Variants in DLG1 observed in about 807,000 individuals in gnomAD.
DLG1 encodes disks large homolog 1.
Under a neutral mutation model 123.4 loss-of-function variants are expected in DLG1, and 42 were observed. The ratio of observed to expected loss-of-function variants is 0.34; its 90% CI spans 0.27 to 0.44. The LOEUF (loss-of-function observed/expected upper bound fraction) is 0.44, where lower values mean the gene tolerates loss of function less well. Among genes scored for constraint, DLG1 ranks in the 20% least tolerant of loss-of-function variants. The probability of loss-of-function intolerance (pLI) is 1.00; values close to 1 mark genes in which losing one functional copy is unlikely to be tolerated. For synonymous variants in DLG1, 317 were observed against 356.2 expected, an observed-to-expected ratio of 0.89 and a Z score of 1.24; for missense variants, 942 against 1,082.6, an observed-to-expected ratio of 0.87 and a Z score of 1.82.
At chr3:197,061,775 A>G (rs114105067) in intron 22 of DLG1, among the ~76,000 whole-genome samples, 1,568 of 152,258 alleles carry the variant, frequency 0.01, 27 homozygotes, top group South Asian at 0.018. Flanking sequence ...AGGCGATATT[A>G]TATCTATTTG....
chr3:197,267,816 C>T (rs575492911), intron 4 of DLG1, among the ~76,000 whole-genome samples: 2 of 152,060 alleles, frequency 1.3e-5, no homozygotes, highest in East Asian at 3.9e-4. Context: ...TTTATTATTA[C>T]TTTGGGTCCT....
intron 19 of DLG1, among the ~76,000 whole-genome samples, chr3:197,068,013 A>AC (rs1740942847): frequency 6.6e-6 from 1 of 152,248 alleles, no homozygotes; most frequent in African/African-American, 2.4e-5. Context: ...AGATCCTATA[A>AC]CAATTTTACC....
chr3:197,192,518 TGTTTCTGC>T (rs2150240152), intron 5 of DLG1, among the ~76,000 whole-genome samples: 1 of 152,068 alleles, frequency 6.6e-6, no homozygotes, highest in South Asian at 2.1e-4. Context: ...ATAGAAGAAC[TGTTTCTGC>T]CACTAACTGG....
intron 4 of DLG1, among the ~76,000 whole-genome samples, chr3:197,216,459 T>C (rs900485123): frequency 1.3e-5 from 2 of 152,154 alleles, no homozygotes; most frequent in African/African-American, 4.8e-5. Flanking sequence ...TGGGGCAGTC[T>C]GGGGGAAACT....
chr3:197,268,297 T>C (rs892072635), intron 4 of DLG1, among the ~76,000 whole-genome samples: 1 of 152,248 alleles, frequency 6.6e-6, no homozygotes, highest in African/African-American at 2.4e-5. Flanking sequence ...CTAACCAATG[T>C]GACATACTTA....
At chr3:197,208,554 A>G (rs1469762629) in intron 4 of DLG1, among the ~76,000 whole-genome samples, 7 of 146,508 alleles carry the variant, frequency 4.8e-5, no homozygotes, top group Non-Finnish European at 7.7e-5. Context: ...TCTTATTCAA[A>G]TAAGAGAATA....
At chr3:197,223,490 G>A (rs1360233205) in intron 4 of DLG1, among the ~76,000 whole-genome samples, 2 of 152,144 alleles carry the variant, frequency 1.3e-5, no homozygotes, top group African/African-American at 4.8e-5. Flanking sequence ...CAACAAACAA[G>A]GTGGTGTTTT....
At chr3:197,065,887 A>T (rs1739184347) in intron 20 of DLG1, 78 bp from the exon 21 acceptor site, 1 of 951,168 alleles carries the variant, frequency 1.1e-6, no homozygotes, top group African/African-American at 1.7e-5. Flanking sequence ...AGCGAACAAA[A>T]ATATCCTTAA....
At chr3:197,263,920 T>A (rs1760609326) in intron 4 of DLG1, among the ~76,000 whole-genome samples, 1 of 152,150 alleles carries the variant, frequency 6.6e-6, no homozygotes, top group South Asian at 2.1e-4. Context: ...AAACTATAGG[T>A]GATTACAAAA....
intron 4 of DLG1, among the ~76,000 whole-genome samples, chr3:197,260,709 C>T (rs1758953450): frequency 7.7e-6 from 1 of 130,446 alleles, no homozygotes; most frequent in Admixed American, 9.0e-5. Flanking sequence ...AAATCTGCTT[C>T]TCCTCGTTAG....
At chr3:197,048,208 C>T (rs1316855945) in intron 24 of DLG1, among the ~76,000 whole-genome samples, 3 of 152,180 alleles carry the variant, frequency 2.0e-5, no homozygotes, top group African/African-American at 2.4e-5. Flanking sequence ...CAGTGGCTCA[C>T]GCCTGCCATC....
At chr3:197,135,742 G>A (rs1784757525) in intron 10 of DLG1, among the ~76,000 whole-genome samples, 1 of 152,060 alleles carries the variant, frequency 6.6e-6, no homozygotes, top group Non-Finnish European at 1.5e-5. Context: ...CTCATACAGT[G>A]CAATAGTGTT....
In DLG1 at chr3:197,245,906, G is replaced by C. The variant is rs796545706; in HGVS notation, c.318+36773C>G. 6.1e-4 allele frequency among the ~76,000 whole-genome samples: 87 copies of C among 141,606 alleles called. 3 individuals carry two copies. The highest frequency in any genetic ancestry group is 1.2e-3 in the Non-Finnish European group (80 of 64,580). 92.9% of individuals were successfully genotyped at this position (141,606 alleles called of 152,430 possible). ...GACAATACTTTTTTTTTTTTGGGGG[G>C]GGGGGAGGTGGCAAATGAAGGTTAT... On this transcript the variant is annotated intron_variant, in intron 4 of 24. Coordinates refer to ENST00000667157, the MANE Select transcript of DLG1 (RefSeq NM_001366207.1).
At chr3:197,082,540 T>C (rs1429707842) in intron 16 of DLG1, among the ~76,000 whole-genome samples, 1 of 152,184 alleles carries the variant, frequency 6.6e-6, no homozygotes, top group African/African-American at 2.4e-5. Flanking sequence ...TTTCTAATCA[T>C]TATTTTGTTT....
chr3:197,150,966 TCCCA>T (rs1011277681), intron 5 of DLG1, among the ~76,000 whole-genome samples: 1 of 152,052 alleles, frequency 6.6e-6, no homozygotes, highest in African/African-American at 2.4e-5. Flanking sequence ...TTATGTTTAG[TCCCA>T]CCATTAAATA....
At chr3:197,129,667 T>A (rs1026421810) in intron 11 of DLG1, among the ~76,000 whole-genome samples, 2 of 152,220 alleles carry the variant, frequency 1.3e-5, no homozygotes, top group Non-Finnish European at 2.9e-5. Context: ...AAGTTAAATC[T>A]TTTTGACATA....
chr3:197,291,252 G>T (rs995524695), intron 3 of DLG1, among the ~76,000 whole-genome samples: 1 of 150,512 alleles, frequency 6.6e-6, no homozygotes, highest in African/African-American at 2.5e-5. Context: ...TTCAGCCAAC[G>T]ATGTGATCCA....
At chr3:197,219,238 T>C (rs1406139687) in intron 4 of DLG1, among the ~76,000 whole-genome samples, 2 of 152,140 alleles carry the variant, frequency 1.3e-5, no homozygotes, top group Non-Finnish European at 2.9e-5. Flanking sequence ...TGTTTCTTCT[T>C]TGGTAGTAGC....
Position 197,043,109 on chromosome 3 carries a change from G to A in DLG1, c.*1514C>T, listed in dbSNP as rs1721110443. On this transcript the variant is annotated 3_prime_UTR_variant, in exon 25 of 25. Transcript: ENST00000667157. ...GCCAAATATTATTATTAATATGAAG[G>A]ACCAGAGAAACTGATTTGTGAAATA... 2.0e-5 allele frequency: 3 copies of A among 152,108 alleles called. No individual in the cohort carries two copies. Among genetic ancestry groups the A allele is most frequent in the Admixed American group, 2.0e-4 (3 of 15,258 alleles). The allele number at this position is 152,108 out of a possible 1,614,324, so 9.4% of individuals were successfully genotyped here.
Sources: allele counts gnomAD v4.1 joint callset (sites outside exome capture counted in the v4.1 genomes callset), GRCh38; gene constraint gnomAD v4.1.1; transcripts MANE v1.5; gene names NCBI Gene and HGNC (gene_info 2026-07-23, HGNC 2026-07-21).